The following HERC2 variants were observed in gnomAD, a reference collection of about 807,000 sequenced individuals.
HERC2 encodes E3 ubiquitin-protein ligase HERC2.
A neutral mutation model predicts 537.7 loss-of-function variants in HERC2; 102 were observed. That is an observed-to-expected ratio of 0.19 (90% CI 0.16 to 0.22). The LOEUF is 0.22. HERC2 is among the 10% of genes least tolerant of loss of function. The probability of loss-of-function intolerance (pLI) is 1.00; values close to 1 mark genes in which losing one functional copy is unlikely to be tolerated. For missense variants in HERC2, 4,236 were observed against 6,198.2 expected (o/e 0.68, Z 10.63); for synonymous variants, 2,224 against 2,466.2 (o/e 0.90, Z 2.91).
At chr15:28,116,066 CG>C (rs1888205089) in intron 88 of HERC2, among the ~76,000 whole-genome samples, 1 of 152,170 alleles carries the variant, frequency 6.6e-6, no homozygotes, top group African/African-American at 2.4e-5. Flanking sequence ...AGCACGTGGC[CG>C]GGGCTGGCTC....
At chr15:28,190,893 T>A (rs1261582567) in intron 55 of HERC2, 72 bp downstream of exon 55, 1 of 984,276 alleles carries the variant, frequency 1.0e-6, no homozygotes, top group South Asian at 1.3e-5. Flanking sequence ...TCAATGCTAG[T>A]ATAGAAATGG....
At chr15:28,224,349 G>A (rs898571540) in intron 35 of HERC2, among the ~76,000 whole-genome samples, 6 of 151,964 alleles carry the variant, frequency 3.9e-5, no homozygotes, top group Admixed American at 3.3e-4. Context: ...AGCCTCCCAG[G>A]TAGCTGGGAC....
In HERC2 at chr15:28,132,719, T is replaced by C. The variant is rs1160570078; in HGVS notation, c.12342A>G (p.Thr4114=). 6.2e-7 allele frequency: 1 copy of C among 1,605,746 alleles called. No individual in the cohort carries two copies. Among genetic ancestry groups the C allele is most frequent in the East Asian group, 2.3e-5 (1 of 43,974 alleles). The change falls in exon 80 of 93, where the codon ACA becomes ACG. Residue 4114 remains threonine (T), a synonymous_variant. Coordinates refer to ENST00000261609, the MANE Select transcript of HERC2 (RefSeq NM_004667.6). ...ACVTAAGDLY[T]WGKGRYGRLG... ...GCCGGCCGTAGCGGCCTTTGCCCCA[T>C]GTGTAGAGGTCCCCGGCTGCTGTGA... is the stretch of plus-strand genomic sequence containing the variant.
rs933576738 is a variant in HERC2 at position 28,291,430 on chromosome 15, T to C, written c.322+1458A>G. Reference sequence around the variant, plus strand: ...ATATATGTACATTTACATATGTATGTCCATGCAAGGAAAAAAAACCCTGAA... The same window carrying C: ...ATATATGTACATTTACATATGTATGCCCATGCAAGGAAAAAAAACCCTGAA... On this transcript the variant is annotated intron_variant, in intron 4 of 92. Coordinates refer to ENST00000261609, the MANE Select transcript of HERC2 (RefSeq NM_004667.6). Among the ~76,000 whole-genome samples the C allele has an allele frequency of 3.5e-4, 53 of 152,190 alleles. 2 individuals are homozygous for C. Among genetic ancestry groups the C allele is most frequent in the East Asian group, 3.3e-3 (17 of 5,180 alleles).
rs149756942 is a variant in HERC2 at position 28,168,560 on chromosome 15, G to C, written c.10260C>G (p.Ala3420=). 1.2e-6 allele frequency: 2 copies of C among 1,614,098 alleles called. No homozygotes were observed. Among genetic ancestry groups the C allele is most frequent in the Middle Eastern group, 1.7e-4 (1 of 6,058 alleles). Residue 3420 remains alanine (A), a synonymous_variant, in exon 67 of 93, where the codon GCC becomes GCG. Coordinates refer to ENST00000261609, the MANE Select transcript of HERC2 (RefSeq NM_004667.6). ...RDAVVGALMP[A]AMIAPVECPS... The stretch of plus-strand genomic sequence containing the variant: ...GGCACTCCACCGGGGCGATCATGGC[G>C]GCCGGCATCAGGGCCCCGACAACAG...
chr15:28,233,553 C>A lies in HERC2; in HGVS notation c.4360G>T (p.Ala1454Ser). The A allele has an allele frequency of 6.2e-7, 1 of 1,613,124 alleles. No homozygotes were observed. Among genetic ancestry groups the A allele is most frequent in the Middle Eastern group, 1.7e-4 (1 of 6,056 alleles). The change falls in exon 29 of 93, where the codon GCA becomes TCA. Residue 1454 changes from alanine to serine, a missense_variant. Coordinates refer to ENST00000261609, the MANE Select transcript of HERC2 (RefSeq NM_004667.6). ...GCACCTGCATGAACTAAAGATAATG[C>A]CACATGACCTGTAAAAAGACATTTA... ...LLKHEDLGHV[A>S]LSLVHAGALG...
At chr15:28,295,338 G>C (rs568187530) in intron 3 of HERC2, among the ~76,000 whole-genome samples, 1 of 144,770 alleles carries the variant, frequency 6.9e-6, no homozygotes, top group Non-Finnish European at 1.5e-5. Context: ...GGAGGCGGTG[G>C]GGGGGTCACT....
intron 21 of HERC2, 109 bp downstream of exon 21, chr15:28,248,443 T>C (rs1261591768): frequency 3.8e-5 from 28 of 733,138 alleles, no homozygotes; most frequent in Non-Finnish European, 6.1e-5. Flanking sequence ...TTGGTGCATT[T>C]AGTAGTATAA....
In HERC2 at chr15:28,195,849, T is replaced by G. The variant is rs142366957; in HGVS notation, c.8260+366A>C. Reference sequence around the variant, plus strand: ...GTGGCTAATTTTAAGTTATATATATTTTGCCACAATGACAAATACAATAAA... The same window carrying G: ...GTGGCTAATTTTAAGTTATATATATGTTGCCACAATGACAAATACAATAAA... On this transcript the variant is annotated intron_variant, in intron 52 of 92. Transcript: ENST00000261609. Among the ~76,000 whole-genome samples the G allele has an allele frequency of 5.2e-3, 788 of 152,308 alleles. 7 individuals are homozygous for G. The highest frequency in any genetic ancestry group is 0.018 in the African/African-American group (753 of 41,548).
intron 20 of HERC2, among the ~76,000 whole-genome samples, chr15:28,253,892 G>A (rs1342216902): frequency 6.6e-6 from 1 of 152,174 alleles, no homozygotes; most frequent in Non-Finnish European, 1.5e-5. Context: ...AACCCAGGAG[G>A]CAGAGGTTGC....
In HERC2 at chr15:28,113,708, G is replaced by A. The variant is rs374531907; in HGVS notation, c.13914-30C>T. ...AAGAAAAAGCTCACTTTACACTTCT[G>A]TCTTCAGTGACACTGACTTTATGCT... On this transcript the variant is annotated intron_variant, in intron 90 of 92. Coordinates refer to ENST00000261609, the MANE Select transcript of HERC2 (RefSeq NM_004667.6). This position sits in a 1 kb window ranked among gnomAD's most constrained non-coding sequence, Gnocchi z 7.0. 6 of 1,563,964 alleles carry A rather than the reference G, an allele frequency of 3.8e-6. No individual in the cohort carries two copies. In the African/African-American group the frequency reaches 8.1e-5, roughly 21 times the overall value.
intron 4 of HERC2, among the ~76,000 whole-genome samples, chr15:28,292,633 C>T (rs1374140727): frequency 6.6e-6 from 1 of 152,118 alleles, no homozygotes; most frequent in Non-Finnish European, 1.5e-5. Flanking sequence ...CTGGGCAACA[C>T]AGTGAGATTC....
At chr15:28,279,067 C>A (rs897772166) in intron 5 of HERC2, among the ~76,000 whole-genome samples, 6 of 152,200 alleles carry the variant, frequency 3.9e-5, no homozygotes, top group Non-Finnish European at 8.8e-5. Context: ...TCTCCGCTCA[C>A]CGCAACCTCC....
In HERC2 at chr15:28,301,666, A is replaced by G. The variant is rs2076627187; in HGVS notation, c.73-2150T>C. Among the ~76,000 whole-genome samples the G allele has an allele frequency of 2.1e-5, 3 of 143,738 alleles. No individual in the cohort carries two copies. The South Asian group carries it at 6.6e-4, about 32-fold the overall frequency. The allele number at this position is 143,738 out of a possible 152,430, so 94.3% of individuals were successfully genotyped here. A position where few individuals can be genotyped will look rare whatever the true frequency, so the allele number is the denominator to read the frequency against. On this transcript the variant is annotated intron_variant, in intron 2 of 92. Transcript: ENST00000261609. ...AAAAAAAGCCATTTTTAATTAAAAGAGACACAGATGTTTGCCCATCTTTTT... is the reference window on the plus strand; with the variant it reads ...AAAAAAAGCCATTTTTAATTAAAAGGGACACAGATGTTTGCCCATCTTTTT...
intron 72 of HERC2, 81 bp downstream of exon 72, chr15:28,144,592 A>T: frequency 6.3e-7 from 1 of 1,583,172 alleles, no homozygotes; most frequent in Non-Finnish European, 8.7e-7. Context: ...CACTACGTGG[A>T]CATGTGCACG....
intron 30 of HERC2, among the ~76,000 whole-genome samples, 175 bp downstream of exon 30, chr15:28,232,971 T>C (rs564066094): frequency 6.6e-6 from 1 of 152,348 alleles, no homozygotes; most frequent in African/African-American, 2.4e-5. Flanking sequence ...TCTGATTACT[T>C]GGAAAAACAA....
intron 68 of HERC2, among the ~76,000 whole-genome samples, chr15:28,167,030 G>A (rs1210291765): frequency 6.6e-6 from 1 of 152,204 alleles, no homozygotes; most frequent in Non-Finnish European, 1.5e-5. Context: ...AACAATAAAT[G>A]TGAACAATGA....
chr15:28,235,640 C>T (rs1902353484), intron 26 of HERC2, among the ~76,000 whole-genome samples: 1 of 152,224 alleles, frequency 6.6e-6, no homozygotes, highest in Non-Finnish European at 1.5e-5. Flanking sequence ...CTCCCTCATG[C>T]AATTTCAGGA....
At chr15:28,186,805 C>T (rs1896350944) in intron 55 of HERC2, 53 bp from the exon 56 acceptor site, 1 of 1,338,874 alleles carries the variant, frequency 7.5e-7, no homozygotes, top group Non-Finnish European at 1.1e-6. Flanking sequence ...CATATTAGAT[C>T]CTCTAACTGG....
Sources: allele counts gnomAD v4.1 joint callset (sites outside exome capture counted in the v4.1 genomes callset), GRCh38; gene constraint gnomAD v4.1.1; non-coding constraint Gnocchi (gnomAD v3.1); transcripts MANE v1.5; gene names NCBI Gene and HGNC (gene_info 2026-07-23, HGNC 2026-07-21).